The following CNOT6L variants were observed in gnomAD, a reference collection of about 807,000 sequenced individuals.
The protein encoded by CNOT6L is CCR4-NOT transcription complex subunit 6-like.
In CNOT6L, 7 loss-of-function variants were observed where a neutral mutation model predicts 64.0. The observed-to-expected ratio is 0.11, with a 90% CI of 0.06 to 0.21. The LOEUF is 0.21. CNOT6L is among the 10% of genes least tolerant of loss of function. The probability of loss-of-function intolerance (pLI) is 1.00; values close to 1 mark genes in which losing one functional copy is unlikely to be tolerated. For synonymous variants in CNOT6L, 193 were observed against 243.4 expected, an observed-to-expected ratio of 0.79 and a Z score of 1.93; for missense variants, 245 against 669.0, an observed-to-expected ratio of 0.37 and a Z score of 6.99.
chr4:77,812,053 T>G (rs1160171245), intron 1 of CNOT6L, among the ~76,000 whole-genome samples: 1 of 152,194 alleles, frequency 6.6e-6, no homozygotes, highest in East Asian at 1.9e-4. Flanking sequence ...GAAAAGGAAC[T>G]AAAATGCATC....
At chr4:77,790,341 G>A (rs1729980682) in intron 1 of CNOT6L, among the ~76,000 whole-genome samples, 1 of 152,120 alleles carries the variant, frequency 6.6e-6, no homozygotes, top group African/African-American at 2.4e-5. Context: ...TTCCAAGTTT[G>A]GACAATTATG....
chr4:77,818,750 T>C (rs1733869009), intron 1 of CNOT6L, among the ~76,000 whole-genome samples: 1 of 151,986 alleles, frequency 6.6e-6, no homozygotes, highest in South Asian at 2.1e-4. Flanking sequence ...GGCAGCGCCG[T>C]GGGCTCGCGC....
intron 1 of CNOT6L, among the ~76,000 whole-genome samples, chr4:77,806,362 T>G (rs973481667): frequency 6.6e-6 from 1 of 151,918 alleles, no homozygotes; most frequent in African/African-American, 2.4e-5. Context: ...GAGGCGGAGG[T>G]TGCAGTGAAC....
chr4:77,771,416 G>C (rs755172656), intron 4 of CNOT6L, among the ~76,000 whole-genome samples: 1 of 152,094 alleles, frequency 6.6e-6, no homozygotes, highest in Non-Finnish European at 1.5e-5. Flanking sequence ...GTGAGGAATA[G>C]ACTTGCACCT....
intron 1 of CNOT6L, among the ~76,000 whole-genome samples, chr4:77,807,187 A>G (rs927263084): frequency 1.3e-5 from 2 of 150,758 alleles, no homozygotes; most frequent in Non-Finnish European, 2.9e-5. Context: ...CTGAGGCAGG[A>G]GAATCGCTTG....
chr4:77,755,678 ATAATAT>A (rs1253788689), intron 5 of CNOT6L, among the ~76,000 whole-genome samples: 1 of 152,120 alleles, frequency 6.6e-6, no homozygotes, highest in Non-Finnish European at 1.5e-5. Context: ...AACTTTTCAG[ATAATAT>A]TAATTTAGTT....
chr4:77,718,122 A>G lies in CNOT6L; in HGVS notation c.*2309T>C, dbSNP rs372079607. 3.9e-5 allele frequency: 6 copies of G among 152,536 alleles called. No homozygotes were observed. The highest frequency in any genetic ancestry group is 1.4e-4 in the African/African-American group (6 of 41,422). The allele number at this position is 152,536 out of a possible 1,614,324, so 9.4% of individuals were successfully genotyped here. On this transcript the variant is annotated 3_prime_UTR_variant, in exon 12 of 12. Coordinates refer to ENST00000504123, the MANE Select transcript of CNOT6L (RefSeq NM_144571.3). ...GCTCCTCTGTGGTTCATATACAATC[A>G]TAAGTGAACTTTAAATTCCATTTTA... is the stretch of plus-strand genomic sequence containing the variant.
intron 1 of CNOT6L, among the ~76,000 whole-genome samples, chr4:77,791,414 G>GT (rs1407118943): frequency 6.6e-6 from 1 of 151,778 alleles, no homozygotes; most frequent in African/African-American, 2.4e-5. Flanking sequence ...AATGTGTACG[G>GT]TTAAAAAAAA....
In CNOT6L at chr4:77,720,592, C is replaced by T; in HGVS notation, c.1507G>A (p.Val503Ile). The T allele has an allele frequency of 6.2e-7, 1 of 1,613,320 alleles. No individual in the cohort carries two copies. The highest frequency in any genetic ancestry group is 1.1e-5 in the South Asian group (1 of 91,064). Reference sequence around the variant, plus strand: ...CATTGAGGATCTAAAGGCCCCAGGACACCAAGCACGTTCATATGAGTCTTG... The same window carrying T: ...CATTGAGGATCTAAAGGCCCCAGGATACCAAGCACGTTCATATGAGTCTTG... ...YSKTHMNVLG[V>I]LGPLDPQWLV... The change falls in exon 12 of 12, where the codon GTC becomes ATC. Residue 503 changes from valine to isoleucine, a missense_variant. By Grantham distance (29) the Val-to-Ile change is conservative (BLOSUM62 3). This residue lies in a region of CNOT6L where 20 missense variants were observed against 26.4 expected (regional missense o/e 0.76). Coordinates refer to ENST00000504123, the MANE Select transcript of CNOT6L (RefSeq NM_144571.3).
chr4:77,800,339 CAA>C (rs201623288), intron 1 of CNOT6L, among the ~76,000 whole-genome samples: 3 of 150,816 alleles, frequency 2.0e-5, no homozygotes. Flanking sequence ...CTAACTCTAC[CAA>C]AAAAAATTTT....
intron 8 of CNOT6L, among the ~76,000 whole-genome samples, chr4:77,737,319 G>A (rs1723066421): frequency 6.6e-6 from 1 of 151,648 alleles, no homozygotes; most frequent in Admixed American, 6.6e-5. Context: ...TCATGGGAGT[G>A]CCAGAAGGTA....
chr4:77,781,989 C>T (rs979758241), intron 1 of CNOT6L, among the ~76,000 whole-genome samples: 3 of 152,248 alleles, frequency 2.0e-5, no homozygotes, highest in South Asian at 2.1e-4. Context: ...CAGGCAGAGA[C>T]ACAGATGCTG....
chr4:77,793,940 CA>C (rs1456580754), intron 1 of CNOT6L, among the ~76,000 whole-genome samples: 2 of 151,734 alleles, frequency 1.3e-5, no homozygotes, highest in African/African-American at 4.8e-5. Flanking sequence ...CAACTGAGGT[CA>C]GGGGTTCGAG....
intron 1 of CNOT6L, among the ~76,000 whole-genome samples, chr4:77,815,492 C>A (rs1392260198): frequency 6.6e-6 from 1 of 152,188 alleles, no homozygotes; most frequent in Admixed American, 6.5e-5. Flanking sequence ...CCCAATTTTA[C>A]TCTTTGAAGA....
chr4:77,781,040 T>C (rs533050658), intron 1 of CNOT6L, among the ~76,000 whole-genome samples: 1 of 152,260 alleles, frequency 6.6e-6, no homozygotes, highest in Non-Finnish European at 1.5e-5. Flanking sequence ...GGGACATGGA[T>C]GAAGCTGGAA....
intron 8 of CNOT6L, among the ~76,000 whole-genome samples, chr4:77,735,655 C>T (rs1209743344): frequency 2.0e-5 from 3 of 152,176 alleles, no homozygotes; most frequent in African/African-American, 7.2e-5. Flanking sequence ...AGTGTTTCTA[C>T]TTTGAGGAAA....
chr4:77,755,394 T>C (rs1286195985), intron 5 of CNOT6L, among the ~76,000 whole-genome samples: 1 of 152,036 alleles, frequency 6.6e-6, no homozygotes, highest in African/African-American at 2.4e-5. Flanking sequence ...TTTTTTGTAT[T>C]TTTAGTAGAG....
At chr4:77,768,760 C>T (rs1727178332) in intron 4 of CNOT6L, among the ~76,000 whole-genome samples, 1 of 151,154 alleles carries the variant, frequency 6.6e-6, no homozygotes. Flanking sequence ...GTTAGAAACT[C>T]ATACTCAATA....
At chr4:77,774,744 A>G in intron 2 of CNOT6L, 28 bp from the exon 3 acceptor site, 1 of 1,449,726 alleles carries the variant, frequency 6.9e-7, no homozygotes, top group Non-Finnish European at 9.1e-7. Context: ...GAAGTGTAAA[A>G]AAAAACCCCA....
Sources: gnomAD v4.1 joint callset for allele counts (sites outside exome capture counted in the v4.1 genomes callset) on GRCh38, gnomAD v4.1.1 for gene constraint, gnomAD v4.1.1 regional missense constraint, MANE v1.5 for transcripts, NCBI Gene and HGNC (gene_info 2026-07-23, HGNC 2026-07-21) for gene names.